PCDH15: variants seen among roughly 807,000 people sequenced by gnomAD.
PCDH15 encodes the protein protocadherin-15.
A neutral mutation model predicts 178.5 loss-of-function variants in PCDH15; 129 were observed. The observed-to-expected ratio is 0.72, with a 90% CI of 0.63 to 0.84. The LOEUF (loss-of-function observed/expected upper bound fraction) is 0.84, where lower values mean the gene tolerates loss of function less well. Ranked by LOEUF, PCDH15 falls within the 40% of genes least tolerant of loss-of-function variation. The pLI is 0.00. For missense variants in PCDH15, 2,230 were observed against 2,099.9 expected (o/e 1.06, Z -1.21); for synonymous variants, 800 against 732.0 (o/e 1.09, Z -1.50).
chr10:55,470,148 C>T (rs187196225), intron 2 of PCDH15, among the ~76,000 whole-genome samples: 69 of 151,970 alleles, frequency 4.5e-4, no homozygotes, highest in African/African-American at 1.5e-3. Flanking sequence ...GTCAGGAGTT[C>T]GAGACCAGCC....
At chr10:55,625,237 T>A (rs1259795933) in intron 2 of PCDH15, among the ~76,000 whole-genome samples, 5 of 152,020 alleles carry the variant, frequency 3.3e-5, no homozygotes, top group Non-Finnish European at 7.4e-5. Context: ...GCTGCAAATA[T>A]ACAAATGATA....
Position 54,660,481 on chromosome 10 carries a change from T to C in PCDH15, c.91+3691A>G, listed in dbSNP as rs2094473471. The stretch of plus-strand genomic sequence containing the variant: ...AATTGAATTAGTAATAAAAAATCCA[T>C]TTTCCAAAAAAAGCCAGGACCAAAC... On this transcript the variant is annotated intron_variant, in intron 2 of 37. Transcript: ENST00000644397. Among the ~76,000 whole-genome samples, 5 of 152,052 alleles carry C rather than the reference T, an allele frequency of 3.3e-5. No individual in the cohort carries two copies. In the South Asian group the frequency reaches 8.3e-4, roughly 25 times the overall value.
intron 1 of PCDH15, among the ~76,000 whole-genome samples, 193 bp from the exon 2 acceptor site, chr10:54,664,483 A>T: frequency 6.6e-6 from 1 of 152,026 alleles, no homozygotes; most frequent in South Asian, 2.1e-4. Context: ...CAGACAAGTA[A>T]TCTCTAAGGA....
intron 1 of PCDH15, among the ~76,000 whole-genome samples, chr10:55,176,517 C>T (rs754877443): frequency 1.8e-4 from 27 of 152,064 alleles, no homozygotes; most frequent in Non-Finnish European, 3.1e-4. Context: ...GAGACAAGAT[C>T]CCAAAAACCA....
chr10:53,926,399 T>C (rs2084556385), intron 25 of PCDH15, among the ~76,000 whole-genome samples: 1 of 152,120 alleles, frequency 6.6e-6, no homozygotes, highest in African/African-American at 2.4e-5. Context: ...TTTCCAGATA[T>C]CTTAATTAAG....
intron 1 of PCDH15, among the ~76,000 whole-genome samples, chr10:54,699,173 T>C (rs1175852484): frequency 2.0e-5 from 3 of 152,086 alleles, no homozygotes; most frequent in Admixed American, 6.6e-5. Context: ...TACACCTTAA[T>C]GATATTTCAA....
intron 2 of PCDH15, among the ~76,000 whole-genome samples, chr10:54,607,671 G>T (rs1022541018): frequency 3.0e-4 from 46 of 152,008 alleles, no homozygotes; most frequent in African/African-American, 1.1e-3. Flanking sequence ...AAATATAATA[G>T]ACTAGAGGGT....
chr10:54,094,887 T>C (rs923091125), intron 15 of PCDH15, among the ~76,000 whole-genome samples: 1 of 152,126 alleles, frequency 6.6e-6, no homozygotes, highest in Non-Finnish European at 1.5e-5. Flanking sequence ...GAAGCACCAA[T>C]AGGGAAACAA....
chr10:53,955,958 T>C (rs2087570801), intron 23 of PCDH15, among the ~76,000 whole-genome samples: 1 of 152,136 alleles, frequency 6.6e-6, no homozygotes, highest in African/African-American at 2.4e-5. Flanking sequence ...GGCATAGGCA[T>C]ATTGCCAAAG....
rs1448125616 is a variant in PCDH15, at chr10:54,105,307, TATATATATATAC to T, written c.1918-15256_1918-15245del. Among the ~76,000 whole-genome samples the T allele has an allele frequency of 5.0e-3, 421 of 84,596 alleles. 5 individuals are homozygous for T. Among genetic ancestry groups the T allele is most frequent in the African/African-American group, 0.017 (217 of 12,558 alleles). The allele number at this position is 84,596 out of a possible 152,430, so 55.5% of individuals were successfully genotyped here. A position where few individuals can be genotyped will look rare whatever the true frequency, so the allele number is the denominator to read the frequency against. ...ATATATATATATATATATATATATA[TATATATATATAC>T]ACACACACATACATATATATACACA... On this transcript the variant is annotated intron_variant, in intron 15 of 37. Coordinates refer to ENST00000644397, the MANE Select transcript of PCDH15 (RefSeq NM_001384140.1).
intron 13 of PCDH15, among the ~76,000 whole-genome samples, chr10:54,158,563 T>C (rs1211673969): frequency 6.6e-6 from 1 of 152,198 alleles, no homozygotes; most frequent in East Asian, 1.9e-4. Context: ...TGTTTCCTTT[T>C]AAATTTTGGC....
intron 1 of PCDH15, among the ~76,000 whole-genome samples, chr10:55,238,002 A>G (rs1436925572): frequency 6.6e-6 from 1 of 152,086 alleles, no homozygotes; most frequent in Non-Finnish European, 1.5e-5. Flanking sequence ...AAGTCTTTTT[A>G]TCATTTGAAT....
rs762653431 is a variant in PCDH15 at position 54,329,606 on chromosome 10, A to G, written c.695T>C (p.Ile232Thr). 2.5e-6 allele frequency: 4 copies of G among 1,590,932 alleles called. No individual in the cohort carries two copies. In the Admixed American group the frequency reaches 6.7e-5, roughly 27 times the overall value. Reference protein sequence around the residue: ...YEDKTRYFVIIQANDRAQNLN... With the variant: ...YEDKTRYFVITQANDRAQNLN... ...AAATTGAATACTCACATTAGCTTGG[A>G]TTATGACAAAGTAGCGAGTCTTATC... is the stretch of plus-strand genomic sequence containing the variant. The change falls in exon 7 of 38, where the codon ATC (isoleucine) becomes ACC (threonine). Residue 232 changes from isoleucine to threonine, a missense_variant. Transcript: ENST00000644397.
chr10:54,930,810 A>C (rs1837753286), intron 2 of PCDH15, among the ~76,000 whole-genome samples: 1 of 152,214 alleles, frequency 6.6e-6, no homozygotes, highest in African/African-American at 2.4e-5. Context: ...TTCAGTTAAT[A>C]GTTCTTGTTT....
At chr10:54,464,474 T>G (rs1329605711) in intron 3 of PCDH15, among the ~76,000 whole-genome samples, 4 of 152,168 alleles carry the variant, frequency 2.6e-5, no homozygotes, top group Non-Finnish European at 5.9e-5. Context: ...ATATGCATTT[T>G]GGGGGAAATA....
At chr10:54,683,960 C>CATAAAGAAAAAA (rs1467925137) in intron 1 of PCDH15, among the ~76,000 whole-genome samples, 1 of 151,598 alleles carries the variant, frequency 6.6e-6, no homozygotes, top group Non-Finnish European at 1.5e-5. Flanking sequence ...TTTTCCATAT[C>CATAAAGAAAAAA]ATAAAGAAAA....
intron 2 of PCDH15, among the ~76,000 whole-genome samples, chr10:54,953,950 AT>A (rs1203090593): frequency 1.3e-4 from 19 of 151,098 alleles, no homozygotes; most frequent in Admixed American, 9.9e-4. Flanking sequence ...TTTTGATAGG[AT>A]TTTTTTCTGG....
intron 2 of PCDH15, among the ~76,000 whole-genome samples, chr10:55,462,593 T>C (rs935154344): frequency 2.0e-5 from 3 of 152,274 alleles, no homozygotes; most frequent in Admixed American, 2.0e-4. Flanking sequence ...AGGAAATGTA[T>C]GTAACACTGA....
At chr10:53,831,084 G>A (rs2076988320) in intron 30 of PCDH15, 1 of 742,398 alleles carries the variant, frequency 1.3e-6, no homozygotes, top group Non-Finnish European at 2.5e-6. Context: ...TCTATTGAAA[G>A]AGACCGAATT....
Sources: gnomAD v4.1 joint callset for allele counts (sites outside exome capture counted in the v4.1 genomes callset) on GRCh38, gnomAD v4.1.1 for gene constraint, MANE v1.5 for transcripts, NCBI Gene and HGNC (gene_info 2026-07-23, HGNC 2026-07-21) for gene names.